FAT2: variants seen among roughly 807,000 people sequenced by gnomAD.
FAT2 encodes FAT atypical cadherin 2.
Under a neutral mutation model 295.3 loss-of-function variants are expected in FAT2, and 150 were observed. That is an observed-to-expected ratio of 0.51 (90% CI 0.44 to 0.58). The LOEUF (loss-of-function observed/expected upper bound fraction) is 0.58. Ranked by LOEUF, FAT2 falls within the 20% of genes least tolerant of loss-of-function variation. The probability of loss-of-function intolerance (pLI) is 0.00; values close to 1 mark genes in which losing one functional copy is unlikely to be tolerated. For missense variants in FAT2, 4,868 were observed against 5,442.7 expected, an observed-to-expected ratio of 0.89 and a Z score of 3.32; for synonymous variants, 2,026 against 2,150.3, an observed-to-expected ratio of 0.94 and a Z score of 1.60.
intron 1 of FAT2, among the ~76,000 whole-genome samples, chr5:151,576,012 T>C (rs13187324): frequency 0.46 from 70,283 of 152,094 alleles, 16,332 homozygotes; most frequent in Middle Eastern, 0.5. Context: ...GAGCACGGCA[T>C]AGGAACCACA....
Position 151,543,917 on chromosome 5 carries a change from T to C in FAT2, c.7210A>G (p.Ile2404Val). The C allele has an allele frequency of 6.2e-7, 1 of 1,614,190 alleles. No homozygotes were observed. Among genetic ancestry groups the C allele is most frequent in the Non-Finnish European group, 8.5e-7 (1 of 1,180,036 alleles). Residue 2404 changes from isoleucine (I) to valine (V), a missense_variant, in exon 10 of 24, where the codon ATT becomes GTT. By Grantham distance (29) the Ile-to-Val change is conservative. Transcript: ENST00000261800. ...CGHLVLKVQA[I>V]DPDSRDTSRL... ...GAGGTGTCTCTGCTGTCAGGGTCAA[T>C]AGCCTGGACTTTAAGAACCAGGTGT...
At chr5:151,530,805 A>G (rs932453628) in intron 14 of FAT2, among the ~76,000 whole-genome samples, 1 of 152,204 alleles carries the variant, frequency 6.6e-6, no homozygotes, top group Admixed American at 6.5e-5. Context: ...CCAAAGGGTA[A>G]AGAGGAAACC....
In FAT2 at chr5:151,512,076, G is replaced by T; in HGVS notation, c.11905+89C>A. ...AGAGAGAGAAATTTGGAACCAGGAG[G>T]CTCTGAGATCTCCACCCTGACATGC... On this transcript the variant is annotated intron_variant, in intron 21 of 23. Coordinates refer to ENST00000261800, the MANE Select transcript of FAT2 (RefSeq NM_001447.3). This position sits in a 1 kb window ranked among gnomAD's most constrained non-coding sequence, Gnocchi z 4.1. 4 of 1,258,926 alleles carry T rather than the reference G, an allele frequency of 3.2e-6. No individual in the cohort carries two copies. The highest frequency in any genetic ancestry group is 2.9e-5 in the South Asian group (2 of 67,854). 78.0% of individuals were successfully genotyped at this position (1,258,926 alleles called of 1,614,324 possible). A position where few individuals can be genotyped will look rare whatever the true frequency, so the allele number is the denominator to read the frequency against.
intron 3 of FAT2, among the ~76,000 whole-genome samples, chr5:151,557,542 CAAG>C (rs749395823): frequency 1.3e-5 from 2 of 152,118 alleles, no homozygotes; most frequent in African/African-American, 2.4e-5. Flanking sequence ...CTGACAGCAA[CAAG>C]AAGAGGGACT....
Position 151,545,967 on chromosome 5 carries a change from A to G in FAT2, c.5160T>C (p.His1720=), listed in dbSNP as rs766724151. 1 of 1,614,140 alleles carries G rather than the reference A, an allele frequency of 6.2e-7. No homozygotes were observed. Among genetic ancestry groups the G allele is most frequent in the African/African-American group, 1.3e-5 (1 of 75,042 alleles). The change falls in exon 10 of 24, where the codon CAT becomes CAC. Residue 1720 remains histidine (H), a synonymous_variant. Transcript: ENST00000261800. ...TCAGCTGGTAAGACGAGATTTTCTCATGGTCCAATTTCTTCTGGGTGGAAA... is the reference window on the plus strand; with the variant it reads ...TCAGCTGGTAAGACGAGATTTTCTCGTGGTCCAATTTCTTCTGGGTGGAAA... The part of the protein sequence containing the change: ...GLISTQKKLD[H]EKISSYQLKI...
At chr5:151,578,238 A>G (rs1362317087) in intron 1 of FAT2, among the ~76,000 whole-genome samples, 1 of 152,144 alleles carries the variant, frequency 6.6e-6, no homozygotes, top group African/African-American at 2.4e-5. Context: ...TCCCTGCTGA[A>G]TGGGCCTCGT....
rs1756040476 is a variant in FAT2 at position 151,540,692 on chromosome 5, G to C, written c.8914C>G (p.Leu2972Val). ...DEWRISSRKT[L>V]DREHTAKYLL... ...TACTTGGCTGTATGCTCGCGGTCCA[G>C]GGTCTTCCTTGAGGAAATCCTCCAC... The change falls in exon 11 of 24, where the codon CTG becomes GTG. Residue 2972 changes from leucine to valine, a missense_variant. Leu to Val is a conservative substitution (Grantham distance 32, BLOSUM62 1). Transcript: ENST00000261800. 3 of 1,614,100 alleles carry C rather than the reference G, an allele frequency of 1.9e-6. No individual in the cohort carries two copies. The highest frequency in any genetic ancestry group is 1.7e-5 in the Admixed American group (1 of 60,006).
Position 151,542,660 on chromosome 5 carries a change from C to T in FAT2, c.8467G>A (p.Asp2823Asn). The change falls in exon 10 of 24, where the codon GAC (aspartate) becomes AAC (asparagine). Residue 2823 changes from aspartate (D) to asparagine (N), a missense_variant. By Grantham distance (23) the Asp-to-Asn change is conservative. Transcript: ENST00000261800. ...GTSVIQVTAI[D>N]KDTGRDGQVS... Reference sequence around the variant, plus strand: ...TGGCCATCTCTCCCAGTGTCCTTGTCAATGGCAGTCACTTGAATGACTGAG... The same window carrying T: ...TGGCCATCTCTCCCAGTGTCCTTGTTAATGGCAGTCACTTGAATGACTGAG... 6.2e-7 allele frequency: 1 copy of T among 1,614,212 alleles called. No individual in the cohort carries two copies. The highest frequency in any genetic ancestry group is 8.5e-7 in the Non-Finnish European group (1 of 1,180,040).
intron 11 of FAT2, among the ~76,000 whole-genome samples, chr5:151,539,388 A>G (rs945641295): frequency 7.2e-5 from 11 of 152,344 alleles, no homozygotes; most frequent in Admixed American, 5.9e-4. Context: ...ATATATGCAA[A>G]TGCATATGTA....
chr5:151,569,022 T>C, intron 1 of FAT2, 71 bp from the exon 2 acceptor site: 2 of 1,414,486 alleles, frequency 1.4e-6, no homozygotes, highest in Non-Finnish European at 1.9e-6. Flanking sequence ...GATTCTTAAC[T>C]GGAGGTGATT....
chr5:151,526,012 G>A (rs1176410921), intron 17 of FAT2, 47 bp from the exon 18 acceptor site: 1 of 1,583,832 alleles, frequency 6.3e-7, no homozygotes. Context: ...ATGAGTCCCG[G>A]TCCTTCCTTT....
At chr5:151,519,925 C>G (rs1240445433) in intron 19 of FAT2, among the ~76,000 whole-genome samples, 1 of 152,194 alleles carries the variant, frequency 6.6e-6, no homozygotes, top group Non-Finnish European at 1.5e-5. Flanking sequence ...AGGAGCATGT[C>G]TCTTTAAAAT....
Position 151,545,258 on chromosome 5 carries a change from AAATTTTTACCAGC to A in FAT2, c.5856_5868del (p.Val1954Ter), listed in dbSNP as rs938893223. The A allele has an allele frequency of 1.2e-6, 2 of 1,614,042 alleles. No homozygotes were observed. The highest frequency in any genetic ancestry group is 1.7e-6 in the Non-Finnish European group (2 of 1,180,042). ...CTTTTGTCAAGCACTTGGGTCAAAGAAATTTTTACCAGCGCAGTGTCTTGATACAAGCCATCAG... is the reference window on the plus strand; with the variant it reads ...CTTTTGTCAAGCACTTGGGTCAAAGAGCAGTGTCTTGATACAAGCCATCAG... On this transcript the variant is annotated frameshift_variant, in exon 10 of 24. Coordinates refer to ENST00000261800, the MANE Select transcript of FAT2 (RefSeq NM_001447.3). LOFTEE classifies it high-confidence loss of function.
chr5:151,528,638 G>A (rs927620240), intron 15 of FAT2, among the ~76,000 whole-genome samples: 8 of 152,154 alleles, frequency 5.3e-5, no homozygotes, highest in African/African-American at 1.9e-4. Context: ...AGATATTCCT[G>A]TGTGGTTGGA....
intron 3 of FAT2, among the ~76,000 whole-genome samples, chr5:151,557,883 C>T (rs1217198948): frequency 6.6e-6 from 1 of 152,168 alleles, no homozygotes; most frequent in Admixed American, 6.5e-5. Flanking sequence ...TACCTCCTGC[C>T]TCAGCCTCTC....
rs114813293 is a variant in FAT2, at chr5:151,584,351, G to A, written c.-21+6814C>T. Among the ~76,000 whole-genome samples the A allele has an allele frequency of 4.9e-3, 746 of 152,282 alleles. 1 individual carries two copies. The highest frequency in any genetic ancestry group is 8.0e-3 in the Non-Finnish European group (545 of 68,018). ...GGTTCCCAGGCTTAGCTGGGTTCCA[G>A]CTCATTGGGGCTTACTTCCTGCAGC... On this transcript the variant is annotated intron_variant, in intron 1 of 23. Transcript: ENST00000261800.
intron 9 of FAT2, among the ~76,000 whole-genome samples, chr5:151,548,773 A>C (rs1465461976): frequency 6.6e-6 from 1 of 152,178 alleles, no homozygotes; most frequent in African/African-American, 2.4e-5. Context: ...GAGCCACCGC[A>C]TCTGGCCAAC....
intron 17 of FAT2, among the ~76,000 whole-genome samples, chr5:151,526,447 C>G (rs896494682): frequency 6.6e-6 from 1 of 152,100 alleles, no homozygotes; most frequent in African/African-American, 2.4e-5. Flanking sequence ...TAAGAAAAAC[C>G]AGATTCCCTG....
intron 10 of FAT2, 112 bp from the exon 11 acceptor site, chr5:151,540,875 C>T: frequency 9.2e-6 from 9 of 982,236 alleles, no homozygotes; most frequent in Non-Finnish European, 1.3e-5. Flanking sequence ...GGAAAGCAAA[C>T]ATTTCCTTCC....
Sources: allele counts gnomAD v4.1 joint callset (sites outside exome capture counted in the v4.1 genomes callset), GRCh38; gene constraint gnomAD v4.1.1; non-coding constraint Gnocchi (gnomAD v3.1); transcripts MANE v1.5; gene names NCBI Gene and HGNC (gene_info 2026-07-23, HGNC 2026-07-21).